The following MED12L variants were observed in gnomAD, a reference collection of about 807,000 sequenced individuals.
MED12L encodes mediator of RNA polymerase II transcription subunit 12-like protein.
A neutral mutation model predicts 281.3 loss-of-function variants in MED12L; 60 were observed. The ratio of observed to expected loss-of-function variants is 0.21; its 90% CI spans 0.17 to 0.26. MED12L has a LOEUF of 0.26. Ranked by LOEUF, MED12L falls within the 10% of genes least tolerant of loss-of-function variation. The pLI is 1.00. For missense variants in MED12L, 2,146 were observed against 2,680.9 expected (o/e 0.80, Z 4.41); for synonymous variants, 974 against 987.2 (o/e 0.99, Z 0.25).
At chr3:151,276,048 AT>A (rs1487001556) in intron 16 of MED12L, among the ~76,000 whole-genome samples, 3 of 152,196 alleles carry the variant, frequency 2.0e-5, no homozygotes, top group Non-Finnish European at 2.9e-5. Flanking sequence ...ATCATAATTA[AT>A]TTATTATACA....
At chr3:151,316,892 G>T (rs1173975522) in intron 16 of MED12L, 2 of 152,154 alleles carry the variant, frequency 1.3e-5, no homozygotes, top group Non-Finnish European at 2.9e-5. Context: ...GACTGGGGAA[G>T]AGTATTTCCT....
chr3:151,263,840 C>T (rs1739356623), intron 16 of MED12L, among the ~76,000 whole-genome samples: 1 of 152,158 alleles, frequency 6.6e-6, no homozygotes, highest in South Asian at 2.1e-4. Flanking sequence ...TTCTCTTTAC[C>T]CCATAGGGTT....
chr3:151,263,361 C>A (rs531512126), intron 16 of MED12L, among the ~76,000 whole-genome samples: 2 of 152,286 alleles, frequency 1.3e-5, no homozygotes, highest in African/African-American at 4.8e-5. Context: ...TGCATTATTA[C>A]AAACATGTGG....
chr3:151,151,031 C>CTTTTTTTTTTTTTTTTTTT (rs573419924), intron 5 of MED12L, among the ~76,000 whole-genome samples: 676 of 32,872 alleles, frequency 0.021, 269 homozygotes, highest in Middle Eastern at 0.029. Flanking sequence ...GCTGAAGTAG[C>CTTTTTTTTTTTTTTTTTTT]TTTTTTTTTT....
At chr3:151,207,118 T>C (rs941016851) in intron 16 of MED12L, among the ~76,000 whole-genome samples, 14 of 150,816 alleles carry the variant, frequency 9.3e-5, no homozygotes, top group African/African-American at 2.9e-4. Context: ...TATTCAGAGG[T>C]CTAATCATAG....
rs11453294 is a variant in MED12L, at chr3:151,253,999, GT to G, written c.2250+60345del. Among the ~76,000 whole-genome samples the G allele has an allele frequency of 1.8e-3, 251 of 136,900 alleles. 3 individuals carry two copies. The highest frequency in any genetic ancestry group is 0.018 in the East Asian group (86 of 4,728). The allele number at this position is 136,900 out of a possible 152,430, so 89.8% of individuals were successfully genotyped here. A position where few individuals can be genotyped will look rare whatever the true frequency, so the allele number is the denominator to read the frequency against. ...CTTCTTTTTGTTTTGATTTTTTCTT[GT>G]TTTTTTTTTTTGTTAATTTAAACTT... On this transcript the variant is annotated intron_variant, in intron 16 of 44. Transcript: ENST00000687756.
chr3:151,313,012 T>C (rs976507350), intron 16 of MED12L, among the ~76,000 whole-genome samples: 1 of 152,208 alleles, frequency 6.6e-6, no homozygotes, highest in Non-Finnish European at 1.5e-5. Flanking sequence ...GAGAGAATAC[T>C]TGGAATACAA....
chr3:151,198,345 T>G lies in MED12L; in HGVS notation c.2250+4679T>G, dbSNP rs59425027. 7.2e-3 allele frequency: 5,728 copies of G among 792,924 alleles called. 6 individuals carry two copies. Among genetic ancestry groups the G allele is most frequent in the East Asian group, 0.013 (349 of 26,418 alleles). 49.1% of individuals were successfully genotyped at this position (792,924 alleles called of 1,614,324 possible). ...TTTTCATACTGAGTTTTTTTTTGTT[T>G]TTTTTTTTTTTATCTTTCAAAGCTA... On this transcript the variant is annotated intron_variant, in intron 16 of 44. Transcript: ENST00000687756.
intron 32 of MED12L, 80 bp from the exon 33 acceptor site, chr3:151,382,576 T>G (rs192197290): frequency 9.0e-5 from 78 of 867,078 alleles, no homozygotes; most frequent in Admixed American, 7.3e-4. Context: ...AGTGGTTTTT[T>G]GCTATCAGTA....
chr3:151,161,917 G>T (rs1395174835), intron 8 of MED12L, among the ~76,000 whole-genome samples: 2 of 152,158 alleles, frequency 1.3e-5, no homozygotes, highest in African/African-American at 4.8e-5. Flanking sequence ...GTGTTCATTG[G>T]TGATCTTTTA....
intron 16 of MED12L, chr3:151,199,347 G>C (rs910530378): frequency 6.2e-6 from 10 of 1,613,020 alleles, no homozygotes; most frequent in Non-Finnish European, 8.5e-6. Flanking sequence ...AATGGCTCCA[G>C]ATCTTTATAA....
At chr3:151,184,508 C>A (rs369934541) in intron 11 of MED12L, among the ~76,000 whole-genome samples, 1 of 152,120 alleles carries the variant, frequency 6.6e-6, no homozygotes, top group Non-Finnish European at 1.5e-5. Flanking sequence ...AGTTGATGTC[C>A]TATTGGTTGG....
intron 16 of MED12L, among the ~76,000 whole-genome samples, chr3:151,211,554 AG>A (rs552335519): frequency 6.6e-6 from 1 of 152,160 alleles, no homozygotes; most frequent in Non-Finnish European, 1.5e-5. Flanking sequence ...GTAGATACTG[AG>A]GGAAAAAAAA....
intron 16 of MED12L, among the ~76,000 whole-genome samples, chr3:151,296,697 T>C (rs1745144205): frequency 6.6e-6 from 1 of 151,992 alleles, no homozygotes; most frequent in African/African-American, 2.4e-5. Flanking sequence ...TTAAGCACAT[T>C]TTATCATCAT....
At chr3:151,307,539 GT>G (rs1746850465) in intron 16 of MED12L, among the ~76,000 whole-genome samples, 1 of 3,508 alleles carries the variant, frequency 2.9e-4, no homozygotes, top group Non-Finnish European at 4.3e-4. Flanking sequence ...TGCTCTGTGT[GT>G]GTGTGTGTGT....
intron 16 of MED12L, among the ~76,000 whole-genome samples, chr3:151,221,815 A>T (rs944544541): frequency 6.6e-6 from 1 of 152,218 alleles, no homozygotes; most frequent in African/African-American, 2.4e-5. Context: ...GAGCCCCCAC[A>T]CAGAGTGCCT....
intron 2 of MED12L, among the ~76,000 whole-genome samples, chr3:151,096,813 C>T (rs182122761): frequency 6.6e-6 from 1 of 152,348 alleles, no homozygotes; most frequent in Non-Finnish European, 1.5e-5. Context: ...CTGATTTGTT[C>T]TTGCAACTTT....
At chr3:151,115,105 C>T (rs1047269027) in intron 2 of MED12L, among the ~76,000 whole-genome samples, 3 of 152,064 alleles carry the variant, frequency 2.0e-5, no homozygotes, top group African/African-American at 4.8e-5. Context: ...AGCCAAAATA[C>T]GTGAGAAAAC....
chr3:151,165,473 A>G lies in MED12L; in HGVS notation c.1311A>G (p.Ala437=), dbSNP rs1720594305. ...AACAGATAAAACAAAGAGGCCGTGCAGTGGAAGTTCGGTGGTCATTTGACA... is the reference window on the plus strand; with the variant it reads ...AACAGATAAAACAAAGAGGCCGTGCGGTGGAAGTTCGGTGGTCATTTGACA... ...VEQQIKQRGR[A]VEVRWSFDKC... Residue 437 remains alanine, a synonymous_variant, in exon 10 of 45, where the codon GCA becomes GCG. Transcript: ENST00000687756. The G allele has an allele frequency of 2.5e-6, 4 of 1,614,162 alleles. No homozygotes were observed. The highest frequency in any genetic ancestry group is 1.1e-5 in the South Asian group (1 of 91,084).
Sources: allele counts gnomAD v4.1 joint callset (sites outside exome capture counted in the v4.1 genomes callset), GRCh38; gene constraint gnomAD v4.1.1; transcripts MANE v1.5; gene names NCBI Gene and HGNC (gene_info 2026-07-23, HGNC 2026-07-21).